Variants in NOP56 observed in about 807,000 individuals in gnomAD.
The protein encoded by NOP56 is nucleolar protein 56.
NOP56 carries 31 observed loss-of-function variants against 58.3 expected under a neutral mutation model. That is an observed-to-expected ratio of 0.53 (90% CI 0.40 to 0.72). The LOEUF (loss-of-function observed/expected upper bound fraction) is 0.72, where lower values mean the gene tolerates loss of function less well. Ranked by LOEUF, NOP56 falls within the 30% of genes least tolerant of loss-of-function variation. The pLI is 0.00. For synonymous variants in NOP56, 313 were observed against 282.8 expected, an observed-to-expected ratio of 1.11 and a Z score of -1.07; for missense variants, 669 against 739.9, an observed-to-expected ratio of 0.90 and a Z score of 1.11.
rs1437569069 is a variant in NOP56, at chr20:2,655,596, C to CATGGACATATCTGCCATTGA, written c.760_779dup (p.Asp260GlufsTer9). 2 of 1,614,080 alleles carry CATGGACATATCTGCCATTGA rather than the reference C, an allele frequency of 1.2e-6. No homozygotes were observed. Among genetic ancestry groups the CATGGACATATCTGCCATTGA allele is most frequent in the Non-Finnish European group, 1.7e-6 (2 of 1,180,052 alleles). On this transcript the variant is annotated frameshift_variant and splice_region_variant, in exon 7 of 12. Coordinates refer to ENST00000329276, the MANE Select transcript of NOP56 (RefSeq NM_006392.4). LOFTEE classifies it high-confidence loss of function. ...GCATTCACACTTGGTTTTTCCTAGG[C>CATGGACATATCTGCCATTGA]ATGGACATATCTGCCATTGACTTGA...
rs1600153716 is a variant in NOP56 at position 2,652,677 on chromosome 20, G to T, written c.3+14G>T. ...GCTGGCGCCATGGTGAGGAGTGGTT[G>T]CGGGGCGCGGGCGACGCGACGGTGG... On this transcript the variant is annotated intron_variant, in intron 1 of 11. Coordinates refer to ENST00000329276, the MANE Select transcript of NOP56 (RefSeq NM_006392.4). The T allele has an allele frequency of 2.1e-6, 3 of 1,453,650 alleles. No homozygotes were observed. The highest frequency in any genetic ancestry group is 2.8e-5 in the South Asian group (2 of 70,548). The allele number at this position is 1,453,650 out of a possible 1,614,324, so 90.0% of individuals were successfully genotyped here. A position where few individuals can be genotyped will look rare whatever the true frequency, so the allele number is the denominator to read the frequency against.
In NOP56 at chr20:2,658,144, T is replaced by G; in HGVS notation, c.1635T>G (p.Asn545Lys). 1 of 1,613,954 alleles carries G rather than the reference T, an allele frequency of 6.2e-7. No individual in the cohort carries two copies. The highest frequency in any genetic ancestry group is 8.5e-7 in the Non-Finnish European group (1 of 1,179,934). Reference protein sequence around the residue: ...KKSTPKEETVNDPEEAGHRSG... With the variant: ...KKSTPKEETVKDPEEAGHRSG... ...CTACACCCAAGGAGGAAACAGTTAA[T>G]GACCCTGAGGAGGCAGGCCACAGAA... Residue 545 changes from asparagine (N) to lysine (K), a missense_variant, in exon 12 of 12, where the codon AAT becomes AAG. By Grantham distance (94) the Asn-to-Lys change is moderately conservative. Coordinates refer to ENST00000329276, the MANE Select transcript of NOP56 (RefSeq NM_006392.4).
intron 11 of NOP56, 38 bp from the exon 12 acceptor site, chr20:2,657,891 A>G (rs1380186673): frequency 2.6e-6 from 4 of 1,538,600 alleles, no homozygotes; most frequent in South Asian, 2.6e-5. Context: ...TGTAATGAGC[A>G]CTGTTCTCAC....
chr20:2,655,466 T>C lies in NOP56; in HGVS notation c.711T>C (p.Asp237=). 2 of 1,614,146 alleles carry C rather than the reference T, an allele frequency of 1.2e-6. No individual in the cohort carries two copies. Among genetic ancestry groups the C allele is most frequent in the African/African-American group, 1.3e-5 (1 of 75,024 alleles). The change falls in exon 6 of 12, where the codon GAT becomes GAC. Residue 237 remains aspartate, a synonymous_variant. Coordinates refer to ENST00000329276, the MANE Select transcript of NOP56 (RefSeq NM_006392.4). The part of the protein sequence containing the change: ...KLEKLEELTM[D]GAKAKAILDA... ...AGAAGCTGGAGGAGCTGACAATGGA[T>C]GGGGCCAAGGCTAAGGCTATTCTGG...
intron 11 of NOP56, 143 bp downstream of exon 11, chr20:2,657,361 T>C (rs2086838695): frequency 8.4e-7 from 1 of 1,196,906 alleles, no homozygotes; most frequent in East Asian, 2.4e-5. Flanking sequence ...AAACTACCTC[T>C]TGATTCTATA....
In NOP56 at chr20:2,656,558, G is replaced by C. The variant is rs116626054; in HGVS notation, c.1159+9G>C. 6.2e-4 allele frequency: 1,001 copies of C among 1,612,706 alleles called. 3 individuals are homozygous for C. Among genetic ancestry groups the C allele is most frequent in the South Asian group, 9.4e-4 (86 of 91,070 alleles). On this transcript the variant is annotated intron_variant, in intron 9 of 11. Transcript: ENST00000329276. ...AATCGATTGCTTCTCTGGTATGGGT[G>C]GGGGGGCGTTGGCAGGTGTGAGAAG...
At chr20:2,656,223 C>T in intron 8 of NOP56, 178 bp from the exon 9 acceptor site, 1 of 1,604,674 alleles carries the variant, frequency 6.2e-7, no homozygotes, top group South Asian at 1.1e-5. Flanking sequence ...AGGTCAGCGA[C>T]ATTGGATGCC....
chr20:2,655,446 C>A lies in NOP56; in HGVS notation c.691C>A (p.Leu231Met). The A allele has an allele frequency of 6.2e-7, 1 of 1,614,142 alleles. No individual in the cohort carries two copies. Among genetic ancestry groups the A allele is most frequent in the Non-Finnish European group, 8.5e-7 (1 of 1,180,014 alleles). The change falls in exon 6 of 12, where the codon CTG becomes ATG. Residue 231 changes from leucine to methionine, a missense_variant. Physicochemically the swap from Leu to Met is conservative, Grantham distance 15 (BLOSUM62 2). Coordinates refer to ENST00000329276, the MANE Select transcript of NOP56 (RefSeq NM_006392.4). ...ACTGAATGAGGACAAGCTGGAGAAG[C>A]TGGAGGAGCTGACAATGGATGGGGC... ...RELNEDKLEKLEELTMDGAKA... is the reference protein window; with the variant it reads ...RELNEDKLEKMEELTMDGAKA...
chr20:2,655,090 C>T, intron 5 of NOP56, 143 bp downstream of exon 5: 1 of 1,123,172 alleles, frequency 8.9e-7, no homozygotes, highest in South Asian at 1.2e-5. Flanking sequence ...TTACCACAGG[C>T]TGTGTTCTTA....
Position 2,656,440 on chromosome 20 carries a change from C to T in NOP56, c.1050C>T (p.Leu350=), listed in dbSNP as rs1290993766. 1 of 1,614,154 alleles carries T rather than the reference C, an allele frequency of 6.2e-7. No homozygotes were observed. Among genetic ancestry groups the T allele is most frequent in the East Asian group, 2.2e-5 (1 of 44,888 alleles). ...GGGGTAACACTCCAAAATATGGACT[C>T]ATTTTCCACTCCACCTTCATTGGCC... ...KTRGNTPKYG[L]IFHSTFIGRA... The change falls in exon 9 of 12, where the codon CTC becomes CTT. Residue 350 remains leucine (L), a synonymous_variant. Coordinates refer to ENST00000329276, the MANE Select transcript of NOP56 (RefSeq NM_006392.4).
Position 2,656,032 on chromosome 20 carries a change from C to T in NOP56, c.1008C>T (p.Phe336=). ...TCCTTGGGGCTGAAAAGGCCCTGTT[C>T]AGGTACCAGTGAGGGCACCTGCCCA... is the stretch of plus-strand genomic sequence containing the variant. ...VQILGAEKAL[F]RALKTRGNTP... Residue 336 remains phenylalanine, a splice_region_variant and synonymous_variant, in exon 8 of 12, where the codon TTC becomes TTT. Transcript: ENST00000329276. 1 of 1,614,158 alleles carries T rather than the reference C, an allele frequency of 6.2e-7. No individual in the cohort carries two copies. The highest frequency in any genetic ancestry group is 8.5e-7 in the Non-Finnish European group (1 of 1,180,036).
At chr20:2,657,390 A>C (rs534811355) in intron 11 of NOP56, 172 bp downstream of exon 11, 22 of 988,580 alleles carry the variant, frequency 2.2e-5, no homozygotes, top group Non-Finnish European at 3.0e-5. Flanking sequence ...ATAGGTGCTG[A>C]ACTTGCTCAA....
intron 3 of NOP56, chr20:2,653,667 A>T (rs6050912): frequency 1.2e-5 from 4 of 347,786 alleles, no homozygotes; most frequent in Admixed American, 8.9e-5. Context: ...TTTTATTTTT[A>T]TTTTTTTTGA....
chr20:2,657,624 C>T, intron 11 of NOP56: 1 of 511,124 alleles, frequency 2.0e-6, no homozygotes, highest in Non-Finnish European at 3.5e-6. Flanking sequence ...ATTTAGCACC[C>T]AGTTTCTTAA....
At chr20:2,654,324 G>C (rs764612931) in intron 3 of NOP56, 90 bp from the exon 4 acceptor site, 7 of 1,383,010 alleles carry the variant, frequency 5.1e-6, no homozygotes, top group Non-Finnish European at 7.2e-6. Flanking sequence ...CCATCCCAGC[G>C]TGCTCGGTGG....
chr20:2,658,129 G>A lies in NOP56; in HGVS notation c.1620G>A (p.Lys540=), dbSNP rs1264017128. ...CCAAGAGGAAGAAGTCTACACCCAA[G>A]GAGGAAACAGTTAATGACCCTGAGG... ...SIPKRKKSTP[K]EETVNDPEEA... The change falls in exon 12 of 12, where the codon AAG becomes AAA. Residue 540 remains lysine (K), a synonymous_variant. Transcript: ENST00000329276. 2 of 1,614,110 alleles carry A rather than the reference G, an allele frequency of 1.2e-6. No homozygotes were observed. Among genetic ancestry groups the A allele is most frequent in the Non-Finnish European group, 1.7e-6 (2 of 1,179,992 alleles).
rs745557471 is a variant in NOP56 at position 2,652,943 on chromosome 20, C to G, written c.93+12C>G. 4.4e-6 allele frequency: 7 copies of G among 1,584,926 alleles called. No homozygotes were observed. The highest frequency in any genetic ancestry group is 5.2e-6 in the Non-Finnish European group (6 of 1,163,200). ...TGCTGCAGCCGCAGGTGGGTGAGATCCGTGGGCTCCTTTGGCGGCCCCGCA... is the reference window on the plus strand; with the variant it reads ...TGCTGCAGCCGCAGGTGGGTGAGATGCGTGGGCTCCTTTGGCGGCCCCGCA... On this transcript the variant is annotated intron_variant, in intron 2 of 11. Transcript: ENST00000329276.
In NOP56 at chr20:2,653,351, T is replaced by C; in HGVS notation, c.166T>C (p.Ser56Pro). ...VRLVAFCPFASSQVALENANA... is the reference protein window; with the variant it reads ...VRLVAFCPFAPSQVALENANA... Reference sequence around the variant, plus strand: ...TCTGGTGGCCTTTTGTCCCTTTGCCTCATCCCAGGTTGCCTTGGAAAATGC... The same window carrying C: ...TCTGGTGGCCTTTTGTCCCTTTGCCCCATCCCAGGTTGCCTTGGAAAATGC... The change falls in exon 3 of 12, where the codon TCA (serine) becomes CCA (proline). Residue 56 changes from serine to proline, a missense_variant. Transcript: ENST00000329276. 6.2e-7 allele frequency: 1 copy of C among 1,614,158 alleles called. No individual in the cohort carries two copies. The highest frequency in any genetic ancestry group is 8.5e-7 in the Non-Finnish European group (1 of 1,180,010).
chr20:2,652,758 C>CCTGGGCCTAGGCCTGG, intron 1 of NOP56, 84 bp from the exon 2 acceptor site: 1 of 1,195,636 alleles, frequency 8.4e-7, no homozygotes. Context: ...CCTGGGCCTG[C>CCTGGGCCTAGGCCTGG]GCCTGCGCCT....
Sources: allele counts gnomAD v4.1 joint callset, GRCh38; gene constraint gnomAD v4.1.1; transcripts MANE v1.5; gene names NCBI Gene and HGNC (gene_info 2026-07-23, HGNC 2026-07-21).